Variants in EHMT1 observed in about 807,000 individuals in gnomAD.
EHMT1 encodes euchromatic histone lysine methyltransferase 1.
EHMT1 carries 15 observed loss-of-function variants against 147.2 expected under a neutral mutation model. The ratio of observed to expected loss-of-function variants is 0.10; its 90% CI spans 0.07 to 0.16. The LOEUF (loss-of-function observed/expected upper bound fraction) is 0.16. Among genes scored for constraint, EHMT1 ranks in the 10% least tolerant of loss-of-function variants. The pLI is 1.00. For synonymous variants in EHMT1, 795 were observed against 709.6 expected, an observed-to-expected ratio of 1.12 and a Z score of -1.91; for missense variants, 1,587 against 1,772.4, an observed-to-expected ratio of 0.90 and a Z score of 1.88.
intron 16 of EHMT1, among the ~76,000 whole-genome samples, chr9:137,797,918 C>T (rs568498796): frequency 4.6e-5 from 7 of 152,326 alleles, no homozygotes; most frequent in Non-Finnish European, 8.8e-5. Context: ...CTGTGTAAGG[C>T]GTGTGGATGG....
chr9:137,720,464 C>T (rs900303861), intron 3 of EHMT1, among the ~76,000 whole-genome samples: 1 of 151,978 alleles, frequency 6.6e-6, no homozygotes, highest in Non-Finnish European at 1.5e-5. Flanking sequence ...CCACCCTGCC[C>T]GGCTGATTTT....
In EHMT1 at chr9:137,650,667, T is replaced by C. The variant is rs1013124913; in HGVS notation, c.21+31618T>C. ...CCTTATCAGATATAGGACCCCCCGC[T>C]TTTTTTTTTTTTTTTTTTTGAGACA... On this transcript the variant is annotated intron_variant, in intron 1 of 26. Coordinates refer to ENST00000460843, the MANE Select transcript of EHMT1 (RefSeq NM_024757.5). Among the ~76,000 whole-genome samples the C allele has an allele frequency of 9.1e-5, 11 of 121,156 alleles. No homozygotes were observed. In the South Asian group the frequency reaches 1.6e-3, roughly 18 times the overall value. 79.5% of individuals were successfully genotyped at this position (121,156 alleles called of 152,430 possible).
At chr9:137,764,920 C>G (rs1950117285) in intron 10 of EHMT1, among the ~76,000 whole-genome samples, 1 of 152,168 alleles carries the variant, frequency 6.6e-6, no homozygotes, top group Admixed American at 6.5e-5. Flanking sequence ...AAGTCATTTG[C>G]CTTAGTTCCT....
intron 9 of EHMT1, among the ~76,000 whole-genome samples, chr9:137,760,456 A>G (rs977300891): frequency 6.6e-6 from 1 of 152,154 alleles, no homozygotes; most frequent in Non-Finnish European, 1.5e-5. Context: ...ACTTGTAGTG[A>G]TTTGAATTCA....
At chr9:137,803,843 A>C (rs1336760328) in intron 18 of EHMT1, among the ~76,000 whole-genome samples, 3 of 151,998 alleles carry the variant, frequency 2.0e-5, no homozygotes, top group African/African-American at 7.3e-5. Context: ...AAATTAAAAA[A>C]AAAAAAAAAA....
In EHMT1 at chr9:137,782,544, A is replaced by G; in HGVS notation, c.2382+147A>G. ...CACAGAGTCAGCTTTTCTGCCCCCG[A>G]GTCCTGCAGGTGGATCAGTGCTTCC... On this transcript the variant is annotated intron_variant, in intron 15 of 26. Transcript: ENST00000460843. This position sits in a 1 kb window ranked among gnomAD's most constrained non-coding sequence, Gnocchi z 5.7. 1 of 749,952 alleles carries G rather than the reference A, an allele frequency of 1.3e-6. No homozygotes were observed. 46.5% of individuals were successfully genotyped at this position (749,952 alleles called of 1,614,324 possible). A position where few individuals can be genotyped will look rare whatever the true frequency, so the allele number is the denominator to read the frequency against.
intron 1 of EHMT1, among the ~76,000 whole-genome samples, chr9:137,626,832 C>G (rs1843290919): frequency 6.7e-6 from 1 of 149,856 alleles, no homozygotes; most frequent in Admixed American, 6.7e-5. Context: ...GTTGCCCAGG[C>G]TGGAGTGCAG....
chr9:137,835,033 A>G lies in EHMT1; in HGVS notation c.*80A>G. 7.5e-7 allele frequency: 1 copy of G among 1,332,350 alleles called. No homozygotes were observed. The allele number at this position is 1,332,350 out of a possible 1,614,324, so 82.5% of individuals were successfully genotyped here. Reference sequence around the variant, plus strand: ...AGAGGACGAGGAGGAGAGATTCCGCACGCAACCGAAAGGGTCCTTCGGGGC... The same window carrying G: ...AGAGGACGAGGAGGAGAGATTCCGCGCGCAACCGAAAGGGTCCTTCGGGGC... On this transcript the variant is annotated 3_prime_UTR_variant, in exon 27 of 27. Coordinates refer to ENST00000460843, the MANE Select transcript of EHMT1 (RefSeq NM_024757.5).
chr9:137,834,716 C>T, intron 26 of EHMT1, 57 bp from the exon 27 acceptor site: 3 of 1,612,060 alleles, frequency 1.9e-6, no homozygotes, highest in African/African-American at 1.3e-5. Context: ...ATTTATCTGG[C>T]TTGTGGGAGG....
chr9:137,639,347 G>A (rs1237932498), intron 1 of EHMT1, among the ~76,000 whole-genome samples: 1 of 152,156 alleles, frequency 6.6e-6, no homozygotes. Context: ...TGAATTGGTT[G>A]ATAGTATTAA....
intron 1 of EHMT1, among the ~76,000 whole-genome samples, chr9:137,691,916 T>C (rs1488296833): frequency 6.6e-6 from 1 of 152,228 alleles, no homozygotes; most frequent in Non-Finnish European, 1.5e-5. Context: ...CTGGCCCTGG[T>C]TCTCTCATTT....
rs768657244 is a variant in EHMT1, at chr9:137,743,356, T to C, written c.824-15T>C. On this transcript the variant is annotated splice_polypyrimidine_tract_variant and intron_variant, in intron 4 of 26. Coordinates refer to ENST00000460843, the MANE Select transcript of EHMT1 (RefSeq NM_024757.5). ...TCCTTTCTTGTCCCCTTTTGACTTT[T>C]TTTTTTTTTTTTAGCTTGCTTGCCT... is the stretch of plus-strand genomic sequence containing the variant. 2.0e-6 allele frequency: 3 copies of C among 1,493,824 alleles called. No homozygotes were observed. Among genetic ancestry groups the C allele is most frequent in the South Asian group, 2.4e-5 (2 of 82,862 alleles). 92.5% of individuals were successfully genotyped at this position (1,493,824 alleles called of 1,614,324 possible).
At chr9:137,670,963 G>C (rs1400787502) in intron 1 of EHMT1, among the ~76,000 whole-genome samples, 1 of 152,160 alleles carries the variant, frequency 6.6e-6, no homozygotes, top group African/African-American at 2.4e-5. Context: ...GTCTTGGCTT[G>C]GCTTTGTCAT....
intron 1 of EHMT1, among the ~76,000 whole-genome samples, chr9:137,702,477 ATCT>A (rs1355763806): frequency 6.6e-6 from 1 of 152,134 alleles, no homozygotes; most frequent in Non-Finnish European, 1.5e-5. Context: ...TTCCACAATA[ATCT>A]TCTTTGACTC....
rs183646255 is a variant in EHMT1, at chr9:137,641,940, A to G, written c.21+22891A>G. 7.2e-5 allele frequency among the ~76,000 whole-genome samples: 11 copies of G among 152,064 alleles called. No homozygotes were observed. The South Asian group carries it at 1.2e-3, about 17-fold the overall frequency. On this transcript the variant is annotated intron_variant, in intron 1 of 26. Coordinates refer to ENST00000460843, the MANE Select transcript of EHMT1 (RefSeq NM_024757.5). ...CCATGCCCTCCAACTCCATGGTTCA[A>G]GCTGTTCTCCTGCCTCAGCCTCCTG...
At chr9:137,690,355 C>T (rs1942829533) in intron 1 of EHMT1, among the ~76,000 whole-genome samples, 2 of 151,924 alleles carry the variant, frequency 1.3e-5, no homozygotes, top group Admixed American at 1.3e-4. Context: ...AATAATCAGA[C>T]AGCAGGAGGC....
rs774174988 is a variant in EHMT1, at chr9:137,717,129, G to A, written c.589G>A (p.Asp197Asn). Residue 197 changes from aspartate (D) to asparagine (N), a missense_variant, in exon 3 of 27, where the codon GAC becomes AAC. This residue lies in a region of EHMT1 where 810 missense variants were observed against 673.0 expected (regional missense o/e 1.20). Coordinates refer to ENST00000460843, the MANE Select transcript of EHMT1 (RefSeq NM_024757.5). ...EDRKLPAPGA[D>N]VKVHRARKTM... ...CAGGAAGCTCCCGGCCCCTGGCGCCGACGTCAAGGTCCACAGGGCACGCAA... is the reference window on the plus strand; with the variant it reads ...CAGGAAGCTCCCGGCCCCTGGCGCCAACGTCAAGGTCCACAGGGCACGCAA... The A allele has an allele frequency of 1.0e-4, 165 of 1,612,414 alleles. No homozygotes were observed. Among genetic ancestry groups the A allele is most frequent in the Admixed American group, 1.3e-4 (8 of 59,996 alleles).
At chr9:137,628,184 C>T (rs903997199) in intron 1 of EHMT1, among the ~76,000 whole-genome samples, 1 of 152,206 alleles carries the variant, frequency 6.6e-6, no homozygotes, top group African/African-American at 2.4e-5. Flanking sequence ...TCTGTGTTTT[C>T]TGGGGTCAGT....
intron 1 of EHMT1, among the ~76,000 whole-genome samples, chr9:137,700,306 G>A (rs1207760189): frequency 2.0e-5 from 3 of 152,188 alleles, no homozygotes; most frequent in East Asian, 1.9e-4. Flanking sequence ...GCCTCCACGT[G>A]CAGCATGGGG....
Sources: allele counts gnomAD v4.1 joint callset (sites outside exome capture counted in the v4.1 genomes callset), GRCh38; gene constraint gnomAD v4.1.1; regional missense constraint gnomAD v4.1.1; non-coding constraint Gnocchi (gnomAD v3.1); transcripts MANE v1.5; gene names NCBI Gene and HGNC (gene_info 2026-07-23, HGNC 2026-07-21).